HDGFL3: variants seen among roughly 807,000 people sequenced by gnomAD.
HDGFL3 encodes HDGF like 3, also known as hepatoma-derived growth factor-related protein 3.
In HDGFL3, 6 loss-of-function variants were observed where a neutral mutation model predicts 27.6. The observed-to-expected ratio is 0.22, with a 90% CI of 0.12 to 0.43. The LOEUF (loss-of-function observed/expected upper bound fraction) is 0.43. Ranked by LOEUF, HDGFL3 falls within the 20% of genes least tolerant of loss-of-function variation. The pLI is 1.00. For missense variants in HDGFL3, 207 were observed against 250.1 expected, an observed-to-expected ratio of 0.83 and a Z score of 1.16; for synonymous variants, 88 against 88.9, an observed-to-expected ratio of 0.99 and a Z score of 0.05.
At chr15:83,157,268 T>A in intron 4 of HDGFL3, 147 bp downstream of exon 4, 1 of 768,594 alleles carries the variant, frequency 1.3e-6, no homozygotes, top group Non-Finnish European at 2.1e-6. Flanking sequence ...TTACCTGACT[T>A]CCCTCTGCTG....
intron 1 of HDGFL3, among the ~76,000 whole-genome samples, chr15:83,199,096 T>C (rs902805188): frequency 1.3e-5 from 2 of 152,244 alleles, no homozygotes; most frequent in African/African-American, 4.8e-5. Context: ...TCAAAATTAT[T>C]GACTTCATCA....
At chr15:83,193,915 C>T (rs1017986134) in intron 1 of HDGFL3, among the ~76,000 whole-genome samples, 2 of 152,158 alleles carry the variant, frequency 1.3e-5, no homozygotes, top group Non-Finnish European at 2.9e-5. Context: ...TGCTGCTATA[C>T]GCTGCCACGT....
At chr15:83,144,927 G>C in intron 5 of HDGFL3, 1 of 167,158 alleles carries the variant, frequency 6.0e-6, no homozygotes, top group Non-Finnish European at 1.3e-5. Flanking sequence ...GTGTCCTCCT[G>C]GCCACAGATG....
intron 3 of HDGFL3, chr15:83,121,799 C>T: frequency 1.4e-6 from 1 of 722,770 alleles, no homozygotes; most frequent in Admixed American, 2.9e-5. Context: ...CCTCTCAATT[C>T]AATATGTTTT....
intron 5 of HDGFL3, among the ~76,000 whole-genome samples, chr15:83,146,243 C>G (rs1567166327): frequency 6.6e-6 from 1 of 152,048 alleles, no homozygotes; most frequent in Non-Finnish European, 1.5e-5. Context: ...TCTTAAGCCA[C>G]TGTTTTGAAA....
chr15:83,172,012 G>A (rs2037252475), intron 1 of HDGFL3, among the ~76,000 whole-genome samples: 1 of 152,044 alleles, frequency 6.6e-6, no homozygotes, highest in African/African-American at 2.4e-5. Flanking sequence ...TTATCTCAAA[G>A]GCCACCAGTA....
intron 2 of HDGFL3, among the ~76,000 whole-genome samples, chr15:83,162,559 C>T (rs2037114779): frequency 6.6e-6 from 1 of 152,186 alleles, no homozygotes; most frequent in Non-Finnish European, 1.5e-5. Flanking sequence ...AGCTTTCTAG[C>T]AACCTCTCTT....
At chr15:83,183,026 AAT>A (rs1214517869) in intron 1 of HDGFL3, among the ~76,000 whole-genome samples, 2 of 152,210 alleles carry the variant, frequency 1.3e-5, no homozygotes, top group African/African-American at 4.8e-5. Flanking sequence ...CGTTGATATA[AAT>A]AGAGAGGGAA....
rs1005399787 is a variant in HDGFL3, at chr15:83,128,356, T to C, written c.*10914A>G. 6.6e-6 allele frequency: 1 copy of C among 152,214 alleles called. No individual in the cohort carries two copies. The highest frequency in any genetic ancestry group is 2.4e-5 in the African/African-American group (1 of 41,450). 9.4% of individuals were successfully genotyped at this position (152,214 alleles called of 1,614,324 possible). ...TTGAGGTAATTCTTAATTATAAAAT[T>C]AGCATAGTAGTATCGAAAAAGTTGA... is the stretch of plus-strand genomic sequence containing the variant. On this transcript the variant is annotated 3_prime_UTR_variant, in exon 6 of 6. Coordinates refer to ENST00000299633, the MANE Select transcript of HDGFL3 (RefSeq NM_016073.4).
downstream of HDGFL3, chr15:83,124,884 A>G (rs1291441250): frequency 2.1e-6 from 2 of 963,224 alleles, no homozygotes; most frequent in Admixed American, 4.2e-5. Context: ...TTCTTAGCAA[A>G]CTAACAAACC....
At chr15:83,204,010 A>G (rs1294714765) in intron 1 of HDGFL3, among the ~76,000 whole-genome samples, 1 of 145,774 alleles carries the variant, frequency 6.9e-6, no homozygotes, top group Admixed American at 7.0e-5. Context: ...GCCACACAAA[A>G]TTAGGCATAC....
chr15:83,157,694 A>G, intron 3 of HDGFL3, 121 bp from the exon 4 acceptor site: 1 of 1,079,662 alleles, frequency 9.3e-7, no homozygotes, highest in Non-Finnish European at 1.3e-6. Context: ...ATTTTCAAAA[A>G]CAAAGGGCTG....
rs916494015 is a variant in HDGFL3 at position 83,119,790 on chromosome 15, T to C, written c.394-4049A>G. 5 of 1,536,214 alleles carry C rather than the reference T, an allele frequency of 3.3e-6. No individual in the cohort carries two copies. The African/African-American group carries it at 6.8e-5, about 21-fold the overall frequency. On this transcript the variant is annotated intron_variant, in intron 3 of 3. Coordinates refer to the HDGFL3 transcript ENST00000568294. ...AATACACAAGCAGGTATACTGGACA[T>C]GAATATAAGTTCCATGGGTGCACGT...
exon 4 of HDGFL3, chr15:83,114,589 GGA>G (rs2034483963): frequency 2.0e-5 from 3 of 152,722 alleles, no homozygotes; most frequent in African/African-American, 7.2e-5. Context: ...TTCCTTCTGG[GGA>G]GAATGTGAAT....
At chr15:83,125,383 A>G (rs996482472), downstream of HDGFL3, among the ~76,000 whole-genome samples, 1 of 152,248 alleles carries the variant, frequency 6.6e-6, no homozygotes, top group Non-Finnish European at 1.5e-5. Context: ...AAAGACTCAC[A>G]GGCTTTGTAG....
intron 3 of HDGFL3, chr15:83,119,965 A>C: frequency 3.0e-6 from 1 of 328,416 alleles, no homozygotes; most frequent in Non-Finnish European, 5.6e-6. Flanking sequence ...AATTAAAGCT[A>C]AGCACATCTT....
At chr15:83,147,476 A>T (rs971127428) in intron 5 of HDGFL3, among the ~76,000 whole-genome samples, 3 of 151,768 alleles carry the variant, frequency 2.0e-5, no homozygotes, top group African/African-American at 7.2e-5. Flanking sequence ...CCCATCAAGA[A>T]AAAAAAAGAC....
chr15:83,200,856 CTTTTTTTTT>C (rs200038603), intron 1 of HDGFL3, among the ~76,000 whole-genome samples: 3 of 120,178 alleles, frequency 2.5e-5, no homozygotes, highest in African/African-American at 9.2e-5. Flanking sequence ...TTACTTTATT[CTTTTTTTTT>C]TTTTTTTTTT....
intron 2 of HDGFL3, among the ~76,000 whole-genome samples, chr15:83,162,196 A>G (rs563193380): frequency 7.9e-5 from 12 of 152,344 alleles, no homozygotes; most frequent in Admixed American, 5.9e-4. Flanking sequence ...AAGTAGAGTA[A>G]GAAACACTGA....
Sources: gnomAD v4.1 joint callset for allele counts (sites outside exome capture counted in the v4.1 genomes callset) on GRCh38, gnomAD v4.1.1 for gene constraint, MANE v1.5 for transcripts, NCBI Gene and HGNC (gene_info 2026-07-23, HGNC 2026-07-21) for gene names.